VPS26A: variants seen among roughly 807,000 people sequenced by gnomAD.
VPS26A encodes VPS26 retromer complex component A.
VPS26A carries 22 observed loss-of-function variants against 42.4 expected under a neutral mutation model. The ratio of observed to expected loss-of-function variants is 0.52; its 90% CI spans 0.37 to 0.74. VPS26A has a LOEUF of 0.74. VPS26A is among the 30% of genes least tolerant of loss of function. The pLI is 0.00. For synonymous variants in VPS26A, 110 were observed against 123.5 expected (o/e 0.89, Z 0.73); for missense variants, 276 against 379.2 (o/e 0.73, Z 2.26).
At position 69,155,902 on chromosome 10, in the gene VPS26A, A is replaced by G. The variant is rs1374707208; in HGVS notation, c.229+15A>G. 4.4e-6 allele frequency: 7 copies of G among 1,583,464 alleles called. No homozygotes were observed. The highest frequency in any genetic ancestry group is 1.1e-5 in the South Asian group (1 of 87,748). ...AGGTCAAATTGGTGAGTTTTAAAATAGTATTATTTCTTTTTCTTTGATAAC... is the reference window on the plus strand; with the variant it reads ...AGGTCAAATTGGTGAGTTTTAAAATGGTATTATTTCTTTTTCTTTGATAAC... On this transcript the variant is annotated intron_variant, in intron 3 of 8. Coordinates refer to ENST00000263559, the MANE Select transcript of VPS26A (RefSeq NM_004896.5).
chr10:69,161,968 C>T (rs1051313161), intron 5 of VPS26A: 26 of 178,402 alleles, frequency 1.5e-4, no homozygotes, highest in African/African-American at 3.8e-4. Flanking sequence ...AACTCAGCAG[C>T]GGCAAGGAAA....
rs1456339237 is a variant in VPS26A at position 69,173,250 on chromosome 10, A to G, written c.*1981A>G. ...TGGTTCTCAACCCTGGCTGCATATC[A>G]GAATCACCTTAGAAGCTTTTAAAAT... On this transcript the variant is annotated 3_prime_UTR_variant, in exon 9 of 9. Coordinates refer to ENST00000263559, the MANE Select transcript of VPS26A (RefSeq NM_004896.5). 6.6e-6 allele frequency among the ~76,000 whole-genome samples: 1 copy of G among 152,232 alleles called. No individual in the cohort carries two copies. The highest frequency in any genetic ancestry group is 1.5e-5 in the Non-Finnish European group (1 of 68,036).
chr10:69,158,005 T>C lies in VPS26A; in HGVS notation c.387-42T>C, dbSNP rs370790395. On this transcript the variant is annotated intron_variant, in intron 4 of 8. Transcript: ENST00000263559. ...TGCTGATTTAAAACATGAAAATTTA[T>C]CACAGGTGATTTAACTCATCGACTC... is the stretch of plus-strand genomic sequence containing the variant. 2.9e-5 allele frequency: 43 copies of C among 1,501,708 alleles called. No homozygotes were observed. In the African/African-American group the frequency reaches 5.0e-4, roughly 17 times the overall value. The allele number at this position is 1,501,708 out of a possible 1,614,324, so 93.0% of individuals were successfully genotyped here.
intron 8 of VPS26A, among the ~76,000 whole-genome samples, chr10:69,170,746 G>T (rs184576638): frequency 2.0e-4 from 31 of 152,322 alleles, no homozygotes; most frequent in Admixed American, 1.5e-3. Context: ...TCCAAGCAAT[G>T]TGCTGGAGGA....
intron 1 of VPS26A, among the ~76,000 whole-genome samples, chr10:69,125,926 T>A (rs951938638): frequency 6.6e-6 from 1 of 152,180 alleles, no homozygotes; most frequent in Non-Finnish European, 1.5e-5. Flanking sequence ...CAATATTGGG[T>A]TCAGAAATTA....
At chr10:69,124,346 A>C (rs893604652) in intron 1 of VPS26A, 66 bp downstream of exon 1, 1 of 1,226,848 alleles carries the variant, frequency 8.2e-7, no homozygotes, top group Non-Finnish European at 1.0e-6. Flanking sequence ...CGGGCCGGCC[A>C]ACCGCGGGCC....
intron 1 of VPS26A, among the ~76,000 whole-genome samples, chr10:69,125,072 C>T (rs1840620751): frequency 6.6e-6 from 1 of 152,156 alleles, no homozygotes; most frequent in Non-Finnish European, 1.5e-5. Context: ...TAGGTTAGAT[C>T]TCATTTTACC....
chr10:69,166,195 G>A (rs1841684049), intron 7 of VPS26A, 85 bp downstream of exon 7: 1 of 1,277,350 alleles, frequency 7.8e-7, no homozygotes, highest in Middle Eastern at 1.9e-4. Flanking sequence ...TAGTGTGAAA[G>A]TATCTTTGAA....
chr10:69,136,700 C>T (rs1020326310), intron 2 of VPS26A, among the ~76,000 whole-genome samples: 3 of 152,104 alleles, frequency 2.0e-5, no homozygotes, highest in East Asian at 1.9e-4. Context: ...TACAAAGAGA[C>T]GTTATCTATA....
intron 2 of VPS26A, among the ~76,000 whole-genome samples, chr10:69,140,074 T>G (rs1231538063): frequency 2.3e-5 from 3 of 133,286 alleles, no homozygotes; most frequent in African/African-American, 6.9e-5. Context: ...TTCCCCAATG[T>G]TTTTTTTTTT....
At chr10:69,129,709 G>C (rs377565882) in intron 1 of VPS26A, among the ~76,000 whole-genome samples, 2 of 152,088 alleles carry the variant, frequency 1.3e-5, no homozygotes, top group East Asian at 3.9e-4. Flanking sequence ...ATGTTTAGTA[G>C]AGACGGGGTT....
At chr10:69,163,019 T>G (rs1382520843) in intron 6 of VPS26A, among the ~76,000 whole-genome samples, 2 of 152,234 alleles carry the variant, frequency 1.3e-5, no homozygotes, top group African/African-American at 4.8e-5. Context: ...ACACCCCTTT[T>G]TACTTAAATG....
chr10:69,131,963 G>A (rs1461585822), intron 1 of VPS26A, among the ~76,000 whole-genome samples: 1 of 152,090 alleles, frequency 6.6e-6, no homozygotes, highest in Admixed American at 6.5e-5. Flanking sequence ...CCTTATATTT[G>A]TCATATTCAG....
intron 2 of VPS26A, among the ~76,000 whole-genome samples, chr10:69,145,336 A>G (rs1841134419): frequency 6.6e-6 from 1 of 152,020 alleles, no homozygotes; most frequent in African/African-American, 2.4e-5. Flanking sequence ...CACCCGGCCT[A>G]AATTTTATTT....
chr10:69,145,972 A>G (rs1289853992), intron 2 of VPS26A, among the ~76,000 whole-genome samples: 1 of 152,136 alleles, frequency 6.6e-6, no homozygotes, highest in Non-Finnish European at 1.5e-5. Flanking sequence ...TTTCATATAA[A>G]TGGCATATAC....
intron 2 of VPS26A, among the ~76,000 whole-genome samples, chr10:69,152,243 G>T (rs539851224): frequency 6.6e-6 from 1 of 152,046 alleles, no homozygotes; most frequent in South Asian, 2.1e-4. Context: ...AACCAGAGAA[G>T]GAAACAATTA....
intron 2 of VPS26A, among the ~76,000 whole-genome samples, chr10:69,143,950 T>C (rs940840505): frequency 6.6e-6 from 1 of 152,180 alleles, no homozygotes; most frequent in Non-Finnish European, 1.5e-5. Flanking sequence ...ACTTCTGGGC[T>C]CAAGTGATCC....
chr10:69,127,504 GC>G (rs1840684687), intron 1 of VPS26A, among the ~76,000 whole-genome samples: 1 of 150,736 alleles, frequency 6.6e-6, no homozygotes, highest in African/African-American at 2.4e-5. Context: ...AGTGAGCCGA[GC>G]TAGCGCCACT....
intron 2 of VPS26A, among the ~76,000 whole-genome samples, chr10:69,136,512 C>T (rs1055504206): frequency 3.9e-5 from 6 of 151,970 alleles, no homozygotes; most frequent in East Asian, 1.9e-4. Context: ...CCTCGTGATC[C>T]GCCCAGCTCA....
Sources: allele counts gnomAD v4.1 joint callset (sites outside exome capture counted in the v4.1 genomes callset), GRCh38; gene constraint gnomAD v4.1.1; transcripts MANE v1.5; gene names NCBI Gene and HGNC (gene_info 2026-07-23, HGNC 2026-07-21).